Variants in SLC4A7 observed in about 807,000 individuals in gnomAD.
SLC4A7 encodes sodium bicarbonate cotransporter 3.
A neutral mutation model predicts 137.6 loss-of-function variants in SLC4A7; 51 were observed. The ratio of observed to expected loss-of-function variants is 0.37; its 90% CI spans 0.30 to 0.47. The LOEUF (loss-of-function observed/expected upper bound fraction) is 0.47. SLC4A7 is among the 20% of genes least tolerant of loss of function. The pLI is 1.00. For synonymous variants in SLC4A7, 542 were observed against 518.6 expected (o/e 1.05, Z -0.61); for missense variants, 1,247 against 1,525.4 (o/e 0.82, Z 3.04).
Position 27,394,727 on chromosome 3 carries a change from T to C in SLC4A7, c.2908A>G (p.Met970Val), listed in dbSNP as rs1463296302. ...CCCATGACAGAGCAAACTCCCAACATAACGCCAACCATGAGCAAATCAAGG... is the reference window on the plus strand; with the variant it reads ...CCCATGACAGAGCAAACTCCCAACACAACGCCAACCATGAGCAAATCAAGG... ...YHLDLLMVGV[M>V]LGVCSVMGLP... The change falls in exon 20 of 26, where the codon ATG (methionine) becomes GTG (valine). Residue 970 changes from methionine (M) to valine (V), a missense_variant. Coordinates refer to ENST00000454389, the MANE Select transcript of SLC4A7 (RefSeq NM_001321103.2). 1 of 1,614,144 alleles carries C rather than the reference T, an allele frequency of 6.2e-7. No individual in the cohort carries two copies. The highest frequency in any genetic ancestry group is 8.5e-7 in the Non-Finnish European group (1 of 1,180,004).
In SLC4A7 at chr3:27,484,081, G is replaced by A; in HGVS notation, c.46C>T (p.Arg16Trp). 2 of 1,409,122 alleles carry A rather than the reference G, an allele frequency of 1.4e-6. No individual in the cohort carries two copies. The highest frequency in any genetic ancestry group is 1.9e-6 in the Non-Finnish European group (2 of 1,077,640). The allele number at this position is 1,409,122 out of a possible 1,614,324, so 87.3% of individuals were successfully genotyped here. The change falls in exon 1 of 26, where the codon CGG (arginine) becomes TGG (tryptophan). Residue 16 changes from arginine to tryptophan, a missense_variant. This residue lies in a region of SLC4A7 where 176 missense variants were observed against 186.4 expected (regional missense o/e 0.94). Transcript: ENST00000454389. ...GGCGCCCTCACCCTGCTCGTTACCC[G>A]GGTGAGTAGCGGTCTCATCTGCTCG... ...AGEQMRPLLTRVTSRGPDEEA... is the reference protein window; with the variant it reads ...AGEQMRPLLTWVTSRGPDEEA...
At chr3:27,438,160 G>A (rs1357068627) in intron 3 of SLC4A7, among the ~76,000 whole-genome samples, 1 of 150,100 alleles carries the variant, frequency 6.7e-6, no homozygotes, top group East Asian at 2.0e-4. Flanking sequence ...TTGTGCCACT[G>A]CACTCCAGCC....
In SLC4A7 at chr3:27,431,440, A is replaced by T; in HGVS notation, c.1008T>A (p.Ser336Arg). The change falls in exon 7 of 26, where the codon AGT becomes AGA. Residue 336 changes from serine to arginine, a missense_variant. Physicochemically the swap from Ser to Arg is moderately radical, Grantham distance 110. Transcript: ENST00000454389. ...SRLTSRSSQESQRQAPELLVS... is the reference protein window; with the variant it reads ...SRLTSRSSQERQRQAPELLVS... ...CCAGTAGTTCTGGGGCCTGACGCTGACTCTCTTGGGAACTTCTGGAGGTCA... is the reference window on the plus strand; with the variant it reads ...CCAGTAGTTCTGGGGCCTGACGCTGTCTCTCTTGGGAACTTCTGGAGGTCA... 1 of 1,613,696 alleles carries T rather than the reference A, an allele frequency of 6.2e-7. No individual in the cohort carries two copies. Among genetic ancestry groups the T allele is most frequent in the Non-Finnish European group, 8.5e-7 (1 of 1,179,888 alleles).
chr3:27,469,127 T>C (rs575629997), intron 1 of SLC4A7, among the ~76,000 whole-genome samples: 7 of 151,026 alleles, frequency 4.6e-5, no homozygotes, highest in Non-Finnish European at 1.0e-4. Context: ...AAAAAAAAAC[T>C]TAAATACTAG....
rs1369993256 is a variant in SLC4A7 at position 27,375,045 on chromosome 3, CCT to C, written c.*1717_*1718del. The C allele has an allele frequency of 6.6e-6, 1 of 152,082 alleles. No individual in the cohort carries two copies. Among genetic ancestry groups the C allele is most frequent in the African/African-American group, 2.4e-5 (1 of 41,434 alleles). The allele number at this position is 152,082 out of a possible 1,614,324, so 9.4% of individuals were successfully genotyped here. A position where few individuals can be genotyped will look rare whatever the true frequency, so the allele number is the denominator to read the frequency against. On this transcript the variant is annotated 3_prime_UTR_variant, in exon 26 of 26. Coordinates refer to ENST00000454389, the MANE Select transcript of SLC4A7 (RefSeq NM_001321103.2). ...TAAAGAAAAGCAGCTACATTTCCAA[CCT>C]CTCATCCGAGGCAGAAGTTGAATCC...
chr3:27,437,363 A>G lies in SLC4A7; in HGVS notation c.428+25T>C, dbSNP rs748205340. ...CAAAACTCCATCTCAAAAAAAAAAA[A>G]GAGAGAGAGACTTAGCAGTATTACC... On this transcript the variant is annotated intron_variant, in intron 4 of 25. Coordinates refer to ENST00000454389, the MANE Select transcript of SLC4A7 (RefSeq NM_001321103.2). The G allele has an allele frequency of 4.1e-6, 6 of 1,471,832 alleles. No individual in the cohort carries two copies. The South Asian group carries it at 5.5e-5, about 14-fold the overall frequency. 91.2% of individuals were successfully genotyped at this position (1,471,832 alleles called of 1,614,324 possible).
chr3:27,456,505 A>G, intron 1 of SLC4A7: 1 of 629,620 alleles, frequency 1.6e-6, no homozygotes, highest in Non-Finnish European at 2.8e-6. Flanking sequence ...TTACTCTTCA[A>G]CAGATGACTT....
chr3:27,427,232 T>C (rs567372639), intron 7 of SLC4A7, among the ~76,000 whole-genome samples: 6 of 152,050 alleles, frequency 3.9e-5, no homozygotes, highest in African/African-American at 1.4e-4. Flanking sequence ...CCAAGAATCA[T>C]CCAGCCTAAA....
At chr3:27,430,605 C>CA (rs36019447) in intron 7 of SLC4A7, among the ~76,000 whole-genome samples, 46,297 of 96,408 alleles carry the variant, frequency 0.48, 9,272 homozygotes, top group South Asian at 0.54. Context: ...ACCCCGTCTC[C>CA]AAAAAAAAAA....
intron 22 of SLC4A7, among the ~76,000 whole-genome samples, chr3:27,388,781 ATTC>A (rs957956225): frequency 1.1e-4 from 17 of 152,168 alleles, no homozygotes; most frequent in Non-Finnish European, 2.5e-4. Context: ...AAATAATTCC[ATTC>A]TTCTAATAGT....
At chr3:27,410,203 T>C (rs987036906) in intron 12 of SLC4A7, among the ~76,000 whole-genome samples, 1 of 152,216 alleles carries the variant, frequency 6.6e-6, no homozygotes, top group Non-Finnish European at 1.5e-5. Context: ...CATTTCAACA[T>C]TTTTAACAAT....
intron 1 of SLC4A7, among the ~76,000 whole-genome samples, chr3:27,458,917 G>A (rs1336403231): frequency 2.6e-5 from 4 of 152,192 alleles, no homozygotes; most frequent in African/African-American, 9.7e-5. Flanking sequence ...TGGAACCCGG[G>A]AGGTGGAGGC....
At chr3:27,382,526 C>A (rs958063770) in intron 24 of SLC4A7, among the ~76,000 whole-genome samples, 1 of 152,156 alleles carries the variant, frequency 6.6e-6, no homozygotes, top group African/African-American at 2.4e-5. Flanking sequence ...GTCTGCATTT[C>A]CCAACCTCTA....
At chr3:27,481,421 C>G (rs1376831608) in intron 1 of SLC4A7, among the ~76,000 whole-genome samples, 1 of 152,152 alleles carries the variant, frequency 6.6e-6, no homozygotes, top group African/African-American at 2.4e-5. Context: ...TGCATAATTA[C>G]AAATCTAAGA....
rs2049898849 is a variant in SLC4A7, at chr3:27,376,414, A to T, written c.*350T>A. 1 of 160,828 alleles carries T rather than the reference A, an allele frequency of 6.2e-6. No homozygotes were observed. Among genetic ancestry groups the T allele is most frequent in the Non-Finnish European group, 1.4e-5 (1 of 73,914 alleles). 10.0% of individuals were successfully genotyped at this position (160,828 alleles called of 1,614,324 possible). On this transcript the variant is annotated 3_prime_UTR_variant, in exon 26 of 26. Coordinates refer to ENST00000454389, the MANE Select transcript of SLC4A7 (RefSeq NM_001321103.2). ...CAGGAAACACCTAAAAATTATAAAC[A>T]TATAAACAAAGTATCACTTAAGGTT...
At chr3:27,449,135 C>T (rs1294154498) in intron 2 of SLC4A7, among the ~76,000 whole-genome samples, 4 of 151,608 alleles carry the variant, frequency 2.6e-5, no homozygotes, top group Non-Finnish European at 5.9e-5. Context: ...CTCCTGACCT[C>T]CTGATCCGCC....
At chr3:27,426,540 G>T (rs182057228) in intron 7 of SLC4A7, among the ~76,000 whole-genome samples, 1 of 152,014 alleles carries the variant, frequency 6.6e-6, no homozygotes, top group Non-Finnish European at 1.5e-5. Context: ...CATACATAAC[G>T]CACAGTTTTC....
At chr3:27,456,632 A>G (rs779573442) in intron 1 of SLC4A7, 1 of 1,483,574 alleles carries the variant, frequency 6.7e-7, no homozygotes, top group Non-Finnish European at 9.4e-7. Flanking sequence ...AAAAGACAAG[A>G]TCATAATTAG....
At chr3:27,378,212 G>C (rs1007706753) in intron 25 of SLC4A7, among the ~76,000 whole-genome samples, 9 of 152,150 alleles carry the variant, frequency 5.9e-5, no homozygotes, top group East Asian at 1.9e-4. Context: ...ATATGATAGA[G>C]AGTAGGTAGG....
Sources: gnomAD v4.1 joint callset for allele counts (sites outside exome capture counted in the v4.1 genomes callset) on GRCh38, gnomAD v4.1.1 for gene constraint, gnomAD v4.1.1 regional missense constraint, MANE v1.5 for transcripts, NCBI Gene and HGNC (gene_info 2026-07-23, HGNC 2026-07-21) for gene names.